ZDHHC4: variants seen among roughly 807,000 people sequenced by gnomAD.
The protein encoded by ZDHHC4 is palmitoyltransferase ZDHHC4.
In ZDHHC4, 42 loss-of-function variants were observed where a neutral mutation model predicts 36.7. The ratio of observed to expected loss-of-function variants is 1.14; its 90% CI spans 0.89 to 1.48. The LOEUF (loss-of-function observed/expected upper bound fraction) is 1.48, where lower values mean the gene tolerates loss of function less well. Ranked by LOEUF, ZDHHC4 falls within the 40% of genes most tolerant of loss-of-function variation. The probability of loss-of-function intolerance (pLI) is 0.00; values close to 1 mark genes in which losing one functional copy is unlikely to be tolerated. For missense variants in ZDHHC4, 457 were observed against 421.5 expected (o/e 1.08, Z -0.74); for synonymous variants, 189 against 166.6 (o/e 1.13, Z -1.03).
rs1185186102 is a variant in ZDHHC4 at position 6,588,653 on chromosome 7, C to T, written c.778C>T (p.Leu260=). ...FLTFPRIVFM[L]GFVVVLSFLL... The stretch of plus-strand genomic sequence containing the variant: ...GACTTTTCCACGGATTGTCTTCATG[C>T]TGGGCTTTGTCGTGGTTCTGAGCTT... The change falls in exon 8 of 8, where the codon CTG becomes TTG. Residue 260 remains leucine (L), a synonymous_variant. Transcript: ENST00000335965. 6.2e-6 allele frequency: 10 copies of T among 1,614,098 alleles called. No homozygotes were observed. The highest frequency in any genetic ancestry group is 8.5e-6 in the Non-Finnish European group (10 of 1,180,050).
In ZDHHC4 at chr7:6,587,540, C is replaced by T. The variant is rs976221164; in HGVS notation, c.742-1077C>T. On this transcript the variant is annotated intron_variant, in intron 7 of 7. Transcript: ENST00000335965. Reference sequence around the variant, plus strand: ...AGTTCCTATGGTCATATACCATTTACGGAGTCAGTTTTGTTTTTACCCAAA... The same window carrying T: ...AGTTCCTATGGTCATATACCATTTATGGAGTCAGTTTTGTTTTTACCCAAA... Among the ~76,000 whole-genome samples the T allele has an allele frequency of 5.3e-5, 8 of 152,302 alleles. No homozygotes were observed. In the South Asian group the frequency reaches 8.3e-4, roughly 16 times the overall value.
intron 4 of ZDHHC4, 96 bp from the exon 5 acceptor site, chr7:6,581,977 C>G: frequency 8.0e-7 from 1 of 1,254,680 alleles, no homozygotes; most frequent in Non-Finnish European, 1.1e-6. Flanking sequence ...ATCTCAAGCC[C>G]AAAGGAAGTG....
chr7:6,582,023 T>C (rs1780886346), intron 4 of ZDHHC4, 50 bp from the exon 5 acceptor site: 2 of 1,570,884 alleles, frequency 1.3e-6, no homozygotes, highest in Middle Eastern at 2.1e-4. Flanking sequence ...TATCATACAA[T>C]TTCTTCAAGA....
chr7:6,582,512 G>C (rs889943764), intron 5 of ZDHHC4, among the ~76,000 whole-genome samples: 1 of 151,950 alleles, frequency 6.6e-6, no homozygotes, highest in Non-Finnish European at 1.5e-5. Context: ...GATCGGTATG[G>C]TACTGTTCCT....
At chr7:6,580,030 G>A (rs941746491) in intron 2 of ZDHHC4, among the ~76,000 whole-genome samples, 1 of 152,060 alleles carries the variant, frequency 6.6e-6, no homozygotes, top group Admixed American at 6.6e-5. Context: ...AGCTACTCAG[G>A]AGGCTGAGGC....
intron 6 of ZDHHC4, 25 bp downstream of exon 6, chr7:6,583,456 G>A (rs1583385953): frequency 1.3e-6 from 2 of 1,594,188 alleles, no homozygotes; most frequent in Non-Finnish European, 1.7e-6. Flanking sequence ...CGTGACTCCA[G>A]CGGCACCTCC....
Position 6,583,345 on chromosome 7 carries a change from T to C in ZDHHC4, c.410T>C (p.Val137Ala), listed in dbSNP as rs751775244. ...TKANELLFLH[V>A]YEFDEVMFPK... Reference sequence around the variant, plus strand: ...GCAAATGAATTATTATTTCTTCATGTTTATGAATTTGATGAAGTGATGTTT... The same window carrying C: ...GCAAATGAATTATTATTTCTTCATGCTTATGAATTTGATGAAGTGATGTTT... The change falls in exon 6 of 8, where the codon GTT becomes GCT. Residue 137 changes from valine (V) to alanine (A), a missense_variant. By Grantham distance (64) the Val-to-Ala change is moderately conservative. Transcript: ENST00000335965. The C allele has an allele frequency of 6.2e-7, 1 of 1,613,816 alleles. No individual in the cohort carries two copies. The highest frequency in any genetic ancestry group is 1.7e-5 in the Admixed American group (1 of 59,934).
rs1422683507 is a variant in ZDHHC4 at position 6,585,099 on chromosome 7, T to G, written c.580T>G (p.Phe194Val). Residue 194 changes from phenylalanine to valine, a missense_variant, in exon 7 of 8, where the codon TTC becomes GTC. Physicochemically the swap from Phe to Val is conservative, Grantham distance 50. Transcript: ENST00000335965. ...NCIGAWNIRYFLIYVLTLTAS... is the reference protein window; with the variant it reads ...NCIGAWNIRYVLIYVLTLTAS... ...CATCGGGGCCTGGAACATCAGGTAC[T>G]TCCTCATCTACGTCTTGACCTTGAC... is the stretch of plus-strand genomic sequence containing the variant. 1 of 1,614,158 alleles carries G rather than the reference T, an allele frequency of 6.2e-7. No individual in the cohort carries two copies. Among genetic ancestry groups the G allele is most frequent in the South Asian group, 1.1e-5 (1 of 91,078 alleles).
intron 2 of ZDHHC4, among the ~76,000 whole-genome samples, chr7:6,579,141 T>C (rs1301385709): frequency 1.6e-5 from 2 of 123,976 alleles, no homozygotes; most frequent in African/African-American, 7.2e-5. Flanking sequence ...GTACCTTTTT[T>C]TTCTTCTTTT....
intron 5 of ZDHHC4, 45 bp from the exon 6 acceptor site, chr7:6,583,261 T>TC: frequency 6.2e-7 from 1 of 1,609,692 alleles, no homozygotes; most frequent in Middle Eastern, 1.8e-4. Context: ...GACTATCCAG[T>TC]CCAAAGTATT....
intron 2 of ZDHHC4, among the ~76,000 whole-genome samples, chr7:6,579,387 G>A (rs62441299): frequency 6.6e-6 from 1 of 151,864 alleles, no homozygotes; most frequent in Admixed American, 6.6e-5. Context: ...TTTTAGTATA[G>A]ATGGGGATTA....
chr7:6,580,597 T>C lies in ZDHHC4; in HGVS notation c.36T>C (p.Ala12=), dbSNP rs1302507281. The C allele has an allele frequency of 3.7e-6, 6 of 1,614,084 alleles. No homozygotes were observed. The East Asian group carries it at 1.1e-4, about 30-fold the overall frequency. Residue 12 remains alanine, a synonymous_variant, in exon 3 of 8, where the codon GCT becomes GCC. Transcript: ENST00000335965. ...TGGTCCTCTTCTTGTTCTACCTGGC[T>C]TCGGTGCTGATGGGTCTTGTTCTTA... The part of the protein sequence containing the change: ...DFLVLFLFYL[A]SVLMGLVLIC...
chr7:6,585,029 G>C lies in ZDHHC4; in HGVS notation c.510G>C (p.Trp170Cys), dbSNP rs79501138. The C allele has an allele frequency of 3.7e-4, 601 of 1,614,148 alleles. 2 individuals are homozygous for C. The African/African-American group carries it at 4.2e-3, about 11-fold the overall frequency. Reference sequence around the variant, plus strand: ...GTTTCTGTGCAGGTGTGTGTAACTGGTGTGTGCACCGTTTCGACCATCACT... The same window carrying C: ...GTTTCTGTGCAGGTGTGTGTAACTGCTGTGTGCACCGTTTCGACCATCACT... The part of the protein sequence containing the change: ...ARSKHCSVCN[W>C]CVHRFDHHCV... Residue 170 changes from tryptophan (W) to cysteine (C), a missense_variant, in exon 7 of 8, where the codon TGG becomes TGC. Trp to Cys is a radical substitution (Grantham distance 215). Coordinates refer to ENST00000335965, the MANE Select transcript of ZDHHC4 (RefSeq NM_001134389.2).
In ZDHHC4 at chr7:6,582,061, G is replaced by C; in HGVS notation, c.192-12G>C. ...AAACCCCCATGAACAAGCCATGCCT[G>C]TTTTCTTTCAGAAACCACACCTTCA... is the stretch of plus-strand genomic sequence containing the variant. On this transcript the variant is annotated splice_polypyrimidine_tract_variant and intron_variant, in intron 4 of 7. Transcript: ENST00000335965. 1 of 1,608,236 alleles carries C rather than the reference G, an allele frequency of 6.2e-7. No individual in the cohort carries two copies. The highest frequency in any genetic ancestry group is 8.5e-7 in the Non-Finnish European group (1 of 1,176,016).
intron 6 of ZDHHC4, chr7:6,584,158 TATC>T (rs1230300954): frequency 6.6e-6 from 1 of 152,190 alleles, no homozygotes; most frequent in Non-Finnish European, 1.5e-5. Flanking sequence ...ATATGTAAAA[TATC>T]ATTTTAACAT....
At chr7:6,584,894 A>G in intron 6 of ZDHHC4, 122 bp from the exon 7 acceptor site, 1 of 1,414,210 alleles carries the variant, frequency 7.1e-7, no homozygotes. Flanking sequence ...TTTGGAACTA[A>G]GCAGCTGCCA....
At chr7:6,587,551 T>C (rs1164882916) in intron 7 of ZDHHC4, among the ~76,000 whole-genome samples, 1 of 152,226 alleles carries the variant, frequency 6.6e-6, no homozygotes, top group Admixed American at 6.5e-5. Context: ...GGAGTCAGTT[T>C]TGTTTTTACC....
chr7:6,587,542 G>A (rs1781324893), intron 7 of ZDHHC4, among the ~76,000 whole-genome samples: 1 of 152,084 alleles, frequency 6.6e-6, no homozygotes, highest in African/African-American at 2.4e-5. Context: ...ACCATTTACG[G>A]AGTCAGTTTT....
In ZDHHC4 at chr7:6,588,980, T is replaced by C. The variant is rs989557632; in HGVS notation, c.*70T>C. 3.3e-6 allele frequency: 5 copies of C among 1,535,764 alleles called. No individual in the cohort carries two copies. In the African/African-American group the frequency reaches 6.9e-5, roughly 21 times the overall value. ...CATGTGGATCCTCGTTTTCCAAGCA[T>C]GGCTTGTTTGTTTTGATTTCTGCTG... On this transcript the variant is annotated 3_prime_UTR_variant, in exon 8 of 8. Coordinates refer to ENST00000335965, the MANE Select transcript of ZDHHC4 (RefSeq NM_001134389.2).
Sources: gnomAD v4.1 joint callset for allele counts (sites outside exome capture counted in the v4.1 genomes callset) on GRCh38, gnomAD v4.1.1 for gene constraint, MANE v1.5 for transcripts, NCBI Gene and HGNC (gene_info 2026-07-23, HGNC 2026-07-21) for gene names.